GLIS3: variants seen among roughly 807,000 people sequenced by gnomAD.
GLIS3 encodes the protein zinc finger protein GLIS3.
Under a neutral mutation model 78.6 loss-of-function variants are expected in GLIS3, and 53 were observed. The observed-to-expected ratio is 0.67, with a 90% confidence interval of 0.54 to 0.85. The LOEUF is 0.85. Ranked by LOEUF, GLIS3 falls within the 40% of genes least tolerant of loss-of-function variation. The probability of loss-of-function intolerance (pLI) is 0.00; values close to 1 mark genes in which losing one functional copy is unlikely to be tolerated. For missense variants in GLIS3, 1,703 were observed against 1,231.1 expected, an observed-to-expected ratio of 1.38 and a Z score of -5.74; for synonymous variants, 684 against 509.9, an observed-to-expected ratio of 1.34 and a Z score of -4.60.
chr9:4,195,579 C>T (rs559145929), intron 2 of GLIS3, among the ~76,000 whole-genome samples: 12 of 152,388 alleles, frequency 7.9e-5, no homozygotes, highest in South Asian at 6.2e-4. Flanking sequence ...CCGAGCTCCC[C>T]TCCACGGGCT....
chr9:3,975,584 A>G (rs373155609), intron 4 of GLIS3, among the ~76,000 whole-genome samples: 315 of 151,146 alleles, frequency 2.1e-3, no homozygotes, highest in African/African-American at 7.3e-3. Flanking sequence ...TTTTTTGAGA[A>G]GCAAAAAGTA....
At chr9:4,255,174 C>G (rs1369360089) in intron 2 of GLIS3, among the ~76,000 whole-genome samples, 2 of 152,138 alleles carry the variant, frequency 1.3e-5, no homozygotes, top group African/African-American at 4.8e-5. Flanking sequence ...CCATTACACA[C>G]CTATCATGAC....
chr9:3,844,957 C>T (rs1419510376), intron 9 of GLIS3, among the ~76,000 whole-genome samples: 1 of 152,104 alleles, frequency 6.6e-6, no homozygotes, highest in African/African-American at 2.4e-5. Flanking sequence ...TTAGTATAGC[C>T]TTCCTAAAAG....
the GLIS3 span, among the ~76,000 whole-genome samples, chr9:4,360,351 A>T: frequency 2.0e-5 from 3 of 152,204 alleles, no homozygotes; most frequent in Non-Finnish European, 2.9e-5. Flanking sequence ...TCAGAGACTG[A>T]AACCCTCCCA....
At chr9:4,385,743 AAG>A in the GLIS3 span, among the ~76,000 whole-genome samples, 3 of 33,026 alleles carry the variant, frequency 9.1e-5, no homozygotes, top group African/African-American at 1.6e-4. Flanking sequence ...AAGAAAAAGA[AAG>A]AAAGAAAGAA....
chr9:4,020,314 T>C (rs1296924644), intron 4 of GLIS3, among the ~76,000 whole-genome samples: 3 of 152,088 alleles, frequency 2.0e-5, no homozygotes. Context: ...TTGTTTTGTT[T>C]TGTTTTGTTT....
At chr9:4,407,219 C>G in the GLIS3 span, among the ~76,000 whole-genome samples, 6 of 152,224 alleles carry the variant, frequency 3.9e-5, no homozygotes, top group Non-Finnish European at 7.3e-5. Context: ...ATAAGTGACA[C>G]TGGGAAAACT....
At chr9:4,237,125 A>G (rs1822837829) in intron 2 of GLIS3, among the ~76,000 whole-genome samples, 1 of 150,674 alleles carries the variant, frequency 6.6e-6, no homozygotes. Context: ...TCACTGATTT[A>G]TTTCAAAAAT....
chr9:4,035,464 A>C (rs549034260), intron 4 of GLIS3, among the ~76,000 whole-genome samples: 12 of 151,230 alleles, frequency 7.9e-5, no homozygotes, highest in Admixed American at 1.3e-4. Context: ...TCTCTCTCCT[A>C]CTTAAATTTC....
At chr9:3,866,432 G>C (rs1820588505) in intron 8 of GLIS3, among the ~76,000 whole-genome samples, 1 of 152,182 alleles carries the variant, frequency 6.6e-6, no homozygotes, top group South Asian at 2.1e-4. Flanking sequence ...CTGCACTCCA[G>C]CCTGGGCAAC....
At chr9:4,219,238 T>C (rs1587016444) in intron 2 of GLIS3, among the ~76,000 whole-genome samples, 4 of 152,370 alleles carry the variant, frequency 2.6e-5, no homozygotes, top group Middle Eastern at 6.8e-3. Context: ...AAACGAGACC[T>C]GACCAACATC....
chr9:3,919,910 T>G (rs979731947), intron 6 of GLIS3, among the ~76,000 whole-genome samples: 109 of 152,060 alleles, frequency 7.2e-4, no homozygotes, highest in African/African-American at 2.4e-3. Flanking sequence ...ATTTGGTGAT[T>G]ATTATTGTTG....
intron 8 of GLIS3, among the ~76,000 whole-genome samples, chr9:3,863,616 C>A (rs1488449921): frequency 6.6e-6 from 1 of 152,226 alleles, no homozygotes; most frequent in African/African-American, 2.4e-5. Flanking sequence ...CCTGAACCTA[C>A]ACTGAGCATG....
chr9:4,158,112 G>A (rs111567165), intron 2 of GLIS3, among the ~76,000 whole-genome samples: 11 of 151,992 alleles, frequency 7.2e-5, no homozygotes, highest in Non-Finnish European at 1.0e-4. Flanking sequence ...TTACAGTAGA[G>A]GGGAAAAAAT....
Position 3,863,142 on chromosome 9 carries a change from G to T in GLIS3, c.2298-6958C>A, listed in dbSNP as rs142647045. Among the ~76,000 whole-genome samples, 4 of 152,334 alleles carry T rather than the reference G, an allele frequency of 2.6e-5. No homozygotes were observed. The East Asian group carries it at 7.7e-4, about 29-fold the overall frequency. ...GATAATACCCCACTTTGTATAGCCAGACAGCACTCCATTTTAGCAGACTTT... is the reference window on the plus strand; with the variant it reads ...GATAATACCCCACTTTGTATAGCCATACAGCACTCCATTTTAGCAGACTTT... On this transcript the variant is annotated intron_variant, in intron 8 of 10. Coordinates refer to ENST00000381971, the MANE Select transcript of GLIS3 (RefSeq NM_001042413.2).
At chr9:4,154,127 G>A (rs1057284173) in intron 2 of GLIS3, among the ~76,000 whole-genome samples, 16 of 152,370 alleles carry the variant, frequency 1.1e-4, no homozygotes, top group African/African-American at 3.4e-4. Context: ...CCGAGAGGCA[G>A]AAAGAGGGGG....
At chr9:4,335,734 C>T (rs532330155) in intron 2 of GLIS3, among the ~76,000 whole-genome samples, 1 of 152,266 alleles carries the variant, frequency 6.6e-6, no homozygotes, top group Non-Finnish European at 1.5e-5. Context: ...AGGCATCCAT[C>T]CCTTTCAAGA....
intron 4 of GLIS3, among the ~76,000 whole-genome samples, chr9:4,102,393 C>T (rs530813911): frequency 1.4e-4 from 21 of 152,236 alleles, no homozygotes; most frequent in Admixed American, 5.2e-4. Flanking sequence ...CTCAGAATAA[C>T]GGCCCTGTCT....
intron 6 of GLIS3, among the ~76,000 whole-genome samples, chr9:3,909,121 A>G (rs2077831056): frequency 6.6e-6 from 1 of 152,218 alleles, no homozygotes; most frequent in South Asian, 2.1e-4. Context: ...CCAGAAGGAA[A>G]GACAGTAGGA....
Sources: gnomAD v4.1 joint callset for allele counts (sites outside exome capture counted in the v4.1 genomes callset) on GRCh38, gnomAD v4.1.1 for gene constraint, MANE v1.5 for transcripts, NCBI Gene and HGNC (gene_info 2026-07-23, HGNC 2026-07-21) for gene names.